RPRD1A: variants seen among roughly 807,000 people sequenced by gnomAD.
The protein encoded by RPRD1A is regulation of nuclear pre-mRNA domain-containing protein 1A.
RPRD1A carries 9 observed loss-of-function variants against 37.8 expected under a neutral mutation model. That is an observed-to-expected ratio of 0.24 (90% CI 0.14 to 0.42). The LOEUF is 0.42. RPRD1A is among the 10% of genes least tolerant of loss of function. The pLI is 1.00. For missense variants in RPRD1A, 255 were observed against 371.0 expected, an observed-to-expected ratio of 0.69 and a Z score of 2.57; for synonymous variants, 138 against 139.7, an observed-to-expected ratio of 0.99 and a Z score of 0.08.
At chr18:36,064,943 C>T (rs546271812) in intron 1 of RPRD1A, among the ~76,000 whole-genome samples, 12 of 151,062 alleles carry the variant, frequency 7.9e-5, no homozygotes, top group African/African-American at 2.9e-4. Flanking sequence ...ATGGAAGGAA[C>T]AACTCCAGAC....
intron 6 of RPRD1A, among the ~76,000 whole-genome samples, chr18:36,006,911 A>G (rs1321680083): frequency 6.6e-6 from 1 of 152,172 alleles, no homozygotes; most frequent in Non-Finnish European, 1.5e-5. Context: ...GTCGAGGAAA[A>G]AGAGTCATCT....
Position 36,007,254 on chromosome 18 carries a change from A to G in RPRD1A, c.790-13954T>C, listed in dbSNP as rs186052074. The stretch of plus-strand genomic sequence containing the variant: ...TTTGAAGCAAAATTCAGGCTTTCAC[A>G]TATCAACTAGCAAGCAGGTCAGAAC... On this transcript the variant is annotated intron_variant, in intron 6 of 6. Coordinates refer to ENST00000399022, the MANE Select transcript of RPRD1A (RefSeq NM_018170.5). Among the ~76,000 whole-genome samples the G allele has an allele frequency of 7.4e-3, 1,122 of 152,290 alleles. 6 individuals are homozygous for G. Among genetic ancestry groups the G allele is most frequent in the Non-Finnish European group, 0.012 (846 of 68,026 alleles).
intron 1 of RPRD1A, among the ~76,000 whole-genome samples, chr18:36,043,205 G>T (rs1421473758): frequency 1.5e-5 from 2 of 133,092 alleles, no homozygotes; most frequent in African/African-American, 5.4e-5. Context: ...TCGGGGGGGG[G>T]GGAAGAAGGG....
chr18:36,057,049 T>TAAAAAAAA (rs1407950222), intron 1 of RPRD1A, among the ~76,000 whole-genome samples: 21 of 23,298 alleles, frequency 9.0e-4, no homozygotes, highest in Admixed American at 6.0e-3. Context: ...ACCCTGTTTC[T>TAAAAAAAA]ACAAAAAAAA....
chr18:36,021,816 A>T (rs1212684413), intron 6 of RPRD1A, among the ~76,000 whole-genome samples: 1 of 152,212 alleles, frequency 6.6e-6, no homozygotes, highest in South Asian at 2.1e-4. Context: ...CTTGGGCAAC[A>T]TAGTGAGACC....
At chr18:36,060,153 C>T (rs576928106) in intron 1 of RPRD1A, among the ~76,000 whole-genome samples, 30 of 152,078 alleles carry the variant, frequency 2.0e-4, no homozygotes, top group African/African-American at 4.6e-4. Context: ...TTCTTTTGGC[C>T]GGGTGTGGTG....
rs201866323 is a variant in RPRD1A at position 36,039,126 on chromosome 18, G to A, written c.152-5289C>T. Among the ~76,000 whole-genome samples the A allele has an allele frequency of 5.9e-5, 9 of 152,066 alleles. No individual in the cohort carries two copies. The East Asian group carries it at 7.7e-4, about 13-fold the overall frequency. On this transcript the variant is annotated intron_variant, in intron 1 of 6. Coordinates refer to ENST00000399022, the MANE Select transcript of RPRD1A (RefSeq NM_018170.5). ...AAGGACATGAGATTTGGGAGGGGCCGGGGTGGAATGATATGGTTTGGCTGT... is the reference window on the plus strand; with the variant it reads ...AAGGACATGAGATTTGGGAGGGGCCAGGGTGGAATGATATGGTTTGGCTGT...
chr18:36,046,403 T>TC (rs1163150434), intron 1 of RPRD1A, among the ~76,000 whole-genome samples: 1 of 152,090 alleles, frequency 6.6e-6, no homozygotes, highest in Non-Finnish European at 1.5e-5. Flanking sequence ...GACCATATAC[T>TC]CCTTCTCCCC....
intron 1 of RPRD1A, among the ~76,000 whole-genome samples, chr18:36,050,314 C>G (rs1913291180): frequency 6.6e-6 from 1 of 151,754 alleles, no homozygotes; most frequent in African/African-American, 2.4e-5. Context: ...CATGGCTCAC[C>G]ACAGCCTCAA....
intron 6 of RPRD1A, among the ~76,000 whole-genome samples, chr18:35,997,749 A>C (rs9960670): frequency 0.012 from 1,783 of 152,206 alleles, 44 homozygotes; most frequent in African/African-American, 0.04. Flanking sequence ...CATAAAACTC[A>C]TAACTATTAA....
chr18:36,038,086 C>G (rs186865297), intron 1 of RPRD1A, among the ~76,000 whole-genome samples: 1 of 152,286 alleles, frequency 6.6e-6, no homozygotes, highest in East Asian at 1.9e-4. Context: ...GAAAAGAAAA[C>G]CCATTTTCTG....
intron 6 of RPRD1A, among the ~76,000 whole-genome samples, chr18:36,000,266 T>C (rs565995727): frequency 6.6e-6 from 1 of 152,202 alleles, no homozygotes; most frequent in African/African-American, 2.4e-5. Flanking sequence ...AACTCCAATA[T>C]AGCCAATCCT....
At chr18:36,023,719 A>T (rs180816195) in intron 6 of RPRD1A, among the ~76,000 whole-genome samples, 4 of 152,330 alleles carry the variant, frequency 2.6e-5, no homozygotes, top group Admixed American at 2.6e-4. Flanking sequence ...TCACCACCCT[A>T]ATCAGTCAAC....
At chr18:36,047,538 G>T (rs749401206) in intron 1 of RPRD1A, among the ~76,000 whole-genome samples, 1 of 152,060 alleles carries the variant, frequency 6.6e-6, no homozygotes, top group Admixed American at 6.5e-5. Flanking sequence ...ATGAAGCAAA[G>T]AACTGGTTAT....
At chr18:36,033,575 A>G in intron 2 of RPRD1A, 133 bp downstream of exon 2, 1 of 633,892 alleles carries the variant, frequency 1.6e-6, no homozygotes, top group Non-Finnish European at 2.5e-6. Context: ...ATGTAGAGGG[A>G]AGTCTTTTCA....
At chr18:36,025,495 T>C in intron 6 of RPRD1A, 1 of 501,282 alleles carries the variant, frequency 2.0e-6, no homozygotes, top group Non-Finnish European at 3.2e-6. Context: ...ATTCTGTTTT[T>C]GTAAACAGTG....
chr18:35,994,244 T>C (rs939517306), intron 6 of RPRD1A, among the ~76,000 whole-genome samples: 2 of 152,192 alleles, frequency 1.3e-5, no homozygotes, highest in African/African-American at 2.4e-5. Flanking sequence ...TTCACGCTCT[T>C]TCCAAATGTG....
rs958364373 is a variant in RPRD1A at position 36,029,955 on chromosome 18, G to A, written c.486+853C>T. Among the ~76,000 whole-genome samples the A allele has an allele frequency of 5.9e-5, 9 of 151,556 alleles. No individual in the cohort carries two copies. In the South Asian group the frequency reaches 6.3e-4, roughly 11 times the overall value. On this transcript the variant is annotated intron_variant, in intron 4 of 6. Coordinates refer to ENST00000399022, the MANE Select transcript of RPRD1A (RefSeq NM_018170.5). Reference sequence around the variant, plus strand: ...CGAGTAGCTGGGACTACAGGCGCCCGCCACCACGCCCAGCTAATTTTTTGT... The same window carrying A: ...CGAGTAGCTGGGACTACAGGCGCCCACCACCACGCCCAGCTAATTTTTTGT...
At chr18:36,029,800 T>C (rs1911637414) in intron 4 of RPRD1A, among the ~76,000 whole-genome samples, 1 of 151,920 alleles carries the variant, frequency 6.6e-6, no homozygotes, top group African/African-American at 2.4e-5. Context: ...TATATATCAC[T>C]CTAACACTAC....
Sources: gnomAD v4.1 joint callset for allele counts (sites outside exome capture counted in the v4.1 genomes callset) on GRCh38, gnomAD v4.1.1 for gene constraint, MANE v1.5 for transcripts, NCBI Gene and HGNC (gene_info 2026-07-23, HGNC 2026-07-21) for gene names.